SLC45A1: variants seen among roughly 807,000 people sequenced by gnomAD.
The protein encoded by SLC45A1 is proton-associated sugar transporter A.
In SLC45A1, 28 loss-of-function variants were observed where a neutral mutation model predicts 57.6. The observed-to-expected ratio is 0.49, with a 90% CI of 0.36 to 0.67. The LOEUF (loss-of-function observed/expected upper bound fraction) is 0.67, where lower values mean the gene tolerates loss of function less well. Among genes scored for constraint, SLC45A1 ranks in the 30% least tolerant of loss-of-function variants. SLC45A1 has a pLI of 0.00. For missense variants in SLC45A1, 814 were observed against 1,041.5 expected (o/e 0.78, Z 3.01); for synonymous variants, 459 against 471.5 (o/e 0.97, Z 0.34).
rs1050095559 is a variant in SLC45A1 at position 8,328,378 on chromosome 1, G to A, written c.716-1831G>A. Among the ~76,000 whole-genome samples, 3 of 152,154 alleles carry A rather than the reference G, an allele frequency of 2.0e-5. No individual in the cohort carries two copies. Among genetic ancestry groups the A allele is most frequent in the South Asian group, 2.1e-4 (1 of 4,830 alleles). ...GTCGCATCTCCTGGAAAATGTTGCC[G>A]CTTCTCTTCCTCTTTCCACACGTGC... is the stretch of plus-strand genomic sequence containing the variant. On this transcript the variant is annotated intron_variant, in intron 4 of 8. Coordinates refer to ENST00000471889, the MANE Select transcript of SLC45A1 (RefSeq NM_001080397.3). This position sits in a 1 kb window ranked among gnomAD's most constrained non-coding sequence, Gnocchi z 4.6.
Position 8,325,854 on chromosome 1 carries a change from G to A in SLC45A1, c.527G>A (p.Arg176Gln), listed in dbSNP as rs745719546. 1.3e-5 allele frequency: 21 copies of A among 1,613,790 alleles called. No homozygotes were observed. Among genetic ancestry groups the A allele is most frequent in the African/African-American group, 4.0e-5 (3 of 75,050 alleles). Residue 176 changes from arginine (R) to glutamine (Q), a missense_variant, in exon 4 of 9, where the codon CGG (arginine) becomes CAG (glutamine). Physicochemically the swap from Arg to Gln is conservative, Grantham distance 43. Transcript: ENST00000471889. This position sits in a 1 kb window ranked among gnomAD's most constrained non-coding sequence, Gnocchi z 6.3. ...GGCCTCTCGCTCTTGCTGAATGGCC[G>A]GGACATTGGCATCGCCCTGGCTGAC... is the stretch of plus-strand genomic sequence containing the variant. ...LLGLSLLLNG[R>Q]DIGIALADVT...
chr1:8,339,525 G>A lies in SLC45A1; in HGVS notation c.1807G>A (p.Val603Ile), dbSNP rs141161905. 218 of 1,614,054 alleles carry A rather than the reference G, an allele frequency of 1.4e-4. No individual in the cohort carries two copies. The highest frequency in any genetic ancestry group is 1.7e-4 in the Non-Finnish European group (197 of 1,180,042). Residue 603 changes from valine to isoleucine, a missense_variant, in exon 8 of 9, where the codon GTC becomes ATC. Val to Ile is a conservative substitution (Grantham distance 29). Coordinates refer to ENST00000471889, the MANE Select transcript of SLC45A1 (RefSeq NM_001080397.3). ...ILEKLEEFLS[V>I]RTLYFIAYLA... is the part of the protein sequence containing the mutation. ...GGAGAAGCTGGAGGAGTTCCTCAGCGTCCGCACCCTCTACTTCATCGCCTA... is the reference window on the plus strand; with the variant it reads ...GGAGAAGCTGGAGGAGTTCCTCAGCATCCGCACCCTCTACTTCATCGCCTA...
intron 1 of SLC45A1, among the ~76,000 whole-genome samples, chr1:8,324,028 G>A (rs1362967835): frequency 1.3e-5 from 2 of 152,176 alleles, no homozygotes; most frequent in African/African-American, 4.8e-5. Context: ...GGACAGTCCT[G>A]ACCGAGCCTC....
At position 8,343,301 on chromosome 1, in the gene SLC45A1, G is replaced by A. The variant is rs1475076845; in HGVS notation, c.1981-446G>A. Among the ~76,000 whole-genome samples the A allele has an allele frequency of 6.6e-6, 1 of 152,202 alleles. No individual in the cohort carries two copies. Among genetic ancestry groups the A allele is most frequent in the East Asian group, 1.9e-4 (1 of 5,196 alleles). On this transcript the variant is annotated intron_variant, in intron 8 of 8. Transcript: ENST00000471889. The surrounding 1 kb of genome is among the most constrained non-coding windows in gnomAD (Gnocchi z 7.7). ...GTGACGTGCCCAAGCTGGAGGCCAC[G>A]AGGACCTTGGAGCCTCGGACAGAGG... is the stretch of plus-strand genomic sequence containing the variant.
chr1:8,335,097 G>A lies in SLC45A1; in HGVS notation c.1444-340G>A, dbSNP rs372205365. The stretch of plus-strand genomic sequence containing the variant: ...AAAAAAGAAAGGACTTCCTAGGCGT[G>A]TGGATCTGAACTGACCCATGTTTTT... On this transcript the variant is annotated intron_variant, in intron 5 of 8. Transcript: ENST00000471889. This position sits in a 1 kb window ranked among gnomAD's most constrained non-coding sequence, Gnocchi z 4.1. 3.7e-4 allele frequency among the ~76,000 whole-genome samples: 57 copies of A among 152,332 alleles called. 1 individual carries two copies. In the South Asian group the frequency reaches 0.011, roughly 30 times the overall value.
intron 1 of SLC45A1, among the ~76,000 whole-genome samples, chr1:8,320,676 TGTTTCTCTCTCTCTCTACACAC>T (rs1000944194): frequency 2.8e-4 from 21 of 73,954 alleles, no homozygotes; most frequent in African/African-American, 8.5e-4. Context: ...TCTCTCTCTC[TGTTTCTCTCTCTCTCTACACAC>T]ACACACACAC....
At chr1:8,338,613 C>T (rs527448859) in intron 7 of SLC45A1, among the ~76,000 whole-genome samples, 24 of 152,352 alleles carry the variant, frequency 1.6e-4, no homozygotes, top group Admixed American at 1.4e-3. Flanking sequence ...CCGGCTTTGC[C>T]GGCCCAGCGG....
In SLC45A1 at chr1:8,335,709, CCAA is replaced by C; in HGVS notation, c.1597+125_1597+127del. 1 of 1,160,244 alleles carries C rather than the reference CCAA, an allele frequency of 8.6e-7. No individual in the cohort carries two copies. Among genetic ancestry groups the C allele is most frequent in the South Asian group, 1.6e-5 (1 of 61,932 alleles). The allele number at this position is 1,160,244 out of a possible 1,614,324, so 71.9% of individuals were successfully genotyped here. ...AGAACCTTTCTGAGTTCACCAGCCC[CCAA>C]CAACAGCACCAAGGGCAGGCCTGGG... On this transcript the variant is annotated intron_variant, in intron 6 of 8. Transcript: ENST00000471889. This position sits in a 1 kb window ranked among gnomAD's most constrained non-coding sequence, Gnocchi z 4.1.
At chr1:8,333,492 G>T (rs12132571) in intron 5 of SLC45A1, among the ~76,000 whole-genome samples, 1 of 152,098 alleles carries the variant, frequency 6.6e-6, no homozygotes, top group Non-Finnish European at 1.5e-5. Context: ...CTGGAGTGCG[G>T]TGGTGCATTC....
rs755928603 is a variant in SLC45A1, at chr1:8,330,741, T to C, written c.1248T>C (p.Arg416=). ...CCGACGGCTTCTACCGCCAGGACCG[T>C]GGACTTCTGGAGGGCAGAGAGGGTG... The part of the protein sequence containing the change: ...RAPDGFYRQD[R]GLLEGREGAL... The change falls in exon 5 of 9, where the codon CGT becomes CGC. Residue 416 remains arginine, a synonymous_variant. Coordinates refer to ENST00000471889, the MANE Select transcript of SLC45A1 (RefSeq NM_001080397.3). The surrounding 1 kb of genome is among the most constrained non-coding windows in gnomAD (Gnocchi z 8.4). The C allele has an allele frequency of 6.2e-6, 10 of 1,613,234 alleles. No individual in the cohort carries two copies. In the East Asian group the frequency reaches 6.7e-5, roughly 11 times the overall value.
In SLC45A1 at chr1:8,324,681, C is replaced by T. The variant is rs1557559426; in HGVS notation, c.352C>T (p.Pro118Ser). Residue 118 changes from proline (P) to serine (S), a missense_variant, in exon 2 of 9, where the codon CCC becomes TCC. Physicochemically the swap from Pro to Ser is moderately conservative, Grantham distance 74 (BLOSUM62 -1). Coordinates refer to ENST00000471889, the MANE Select transcript of SLC45A1 (RefSeq NM_001080397.3). ...CCCGGTGCTCCTGCAGATGGGCCTG[C>T]CCGACCAGCTCTACAGCCTGGTGTG... is the stretch of plus-strand genomic sequence containing the variant. ...VTPVLLQMGL[P>S]DQLYSLVWFI... The T allele has an allele frequency of 6.3e-7, 1 of 1,594,478 alleles. No homozygotes were observed. The highest frequency in any genetic ancestry group is 1.1e-5 in the South Asian group (1 of 87,958).
At chr1:8,341,303 G>A (rs970660511) in intron 8 of SLC45A1, among the ~76,000 whole-genome samples, 2 of 151,962 alleles carry the variant, frequency 1.3e-5, no homozygotes, top group African/African-American at 4.8e-5. Context: ...GGGAGGCTGA[G>A]GCGGGCGGAT....
intron 1 of SLC45A1, among the ~76,000 whole-genome samples, chr1:8,318,827 G>T (rs905421914): frequency 2.6e-5 from 4 of 152,222 alleles, no homozygotes; most frequent in African/African-American, 9.6e-5. Flanking sequence ...CTGGGCTTTT[G>T]GGAAAAGTTG....
At chr1:8,339,153 C>T (rs1169238166) in intron 7 of SLC45A1, among the ~76,000 whole-genome samples, 1 of 152,174 alleles carries the variant, frequency 6.6e-6, no homozygotes, top group Non-Finnish European at 1.5e-5. Context: ...AGAGGTTTAA[C>T]TCGAGACCCT....
rs1640926380 is a variant in SLC45A1, at chr1:8,344,094, G to T, written c.*81G>T. The T allele has an allele frequency of 2.2e-6, 3 of 1,360,574 alleles. No homozygotes were observed. The highest frequency in any genetic ancestry group is 2.0e-6 in the Non-Finnish European group (2 of 1,000,916). The allele number at this position is 1,360,574 out of a possible 1,614,324, so 84.3% of individuals were successfully genotyped here. The stretch of plus-strand genomic sequence containing the variant: ...CGACCAGTGAGGACCAAAGGGCCTT[G>T]TTGGACAGGGGGACTGGCTGCCTAC... On this transcript the variant is annotated 3_prime_UTR_variant, in exon 9 of 9. Coordinates refer to ENST00000471889, the MANE Select transcript of SLC45A1 (RefSeq NM_001080397.3).
chr1:8,330,547 A>T lies in SLC45A1; in HGVS notation c.1054A>T (p.Ile352Phe). 1.9e-6 allele frequency: 3 copies of T among 1,613,256 alleles called. No individual in the cohort carries two copies. The highest frequency in any genetic ancestry group is 1.1e-5 in the South Asian group (1 of 91,080). ...SPLTPKYGSF[I>F]SRDSSLTGIS... The stretch of plus-strand genomic sequence containing the variant: ...CCTCACGCCCAAGTACGGCAGCTTC[A>T]TCAGCAGGGACAGCTCCCTGACGGG... Residue 352 changes from isoleucine (I) to phenylalanine (F), a missense_variant, in exon 5 of 9, where the codon ATC becomes TTC. Ile to Phe is a conservative substitution (Grantham distance 21). Coordinates refer to ENST00000471889, the MANE Select transcript of SLC45A1 (RefSeq NM_001080397.3). The surrounding 1 kb of genome is among the most constrained non-coding windows in gnomAD (Gnocchi z 8.4).
chr1:8,335,670 G>A lies in SLC45A1; in HGVS notation c.1597+80G>A, dbSNP rs893367370. 1 of 1,444,618 alleles carries A rather than the reference G, an allele frequency of 6.9e-7. No homozygotes were observed. The highest frequency in any genetic ancestry group is 9.2e-7 in the Non-Finnish European group (1 of 1,085,048). 89.5% of individuals were successfully genotyped at this position (1,444,618 alleles called of 1,614,324 possible). A position where few individuals can be genotyped will look rare whatever the true frequency, so the allele number is the denominator to read the frequency against. On this transcript the variant is annotated intron_variant, in intron 6 of 8. Transcript: ENST00000471889. The surrounding 1 kb of genome is among the most constrained non-coding windows in gnomAD (Gnocchi z 4.1). ...CCCACTGGCCTCCCAGGATGCCCCT[G>A]AGCCTCCCTTCCCAGAACCTTTCTG... is the stretch of plus-strand genomic sequence containing the variant.
intron 7 of SLC45A1, among the ~76,000 whole-genome samples, chr1:8,338,540 C>T (rs953691446): frequency 1.3e-5 from 2 of 152,202 alleles, no homozygotes; most frequent in African/African-American, 4.8e-5. Context: ...TAGCGTGCAC[C>T]GGGCAAATTT....
At chr1:8,320,690 TCTACAC>T (rs1389188015) in intron 1 of SLC45A1, among the ~76,000 whole-genome samples, 87 of 130,292 alleles carry the variant, frequency 6.7e-4, no homozygotes, top group East Asian at 1.0e-3. Flanking sequence ...TCTCTCTCTC[TCTACAC>T]ACACACACAC....
Sources: gnomAD v4.1 joint callset for allele counts (sites outside exome capture counted in the v4.1 genomes callset) on GRCh38, gnomAD v4.1.1 for gene constraint, Gnocchi (gnomAD v3.1) non-coding constraint, MANE v1.5 for transcripts, NCBI Gene and HGNC (gene_info 2026-07-23, HGNC 2026-07-21) for gene names.